IQANK1: variants seen among roughly 807,000 people sequenced by gnomAD.
The protein encoded by IQANK1 is IQ motif and ankyrin repeat containing 1.
A neutral mutation model predicts 22.6 loss-of-function variants in IQANK1; 30 were observed. The observed-to-expected ratio is 1.33, with a 90% CI of 0.99 to 1.80. The LOEUF is 1.80. Among genes scored for constraint, IQANK1 ranks in the 40% most tolerant of loss-of-function variants. The pLI is 0.00. For missense variants in IQANK1, 275 were observed against 235.2 expected, an observed-to-expected ratio of 1.17 and a Z score of -1.11; for synonymous variants, 122 against 99.6, an observed-to-expected ratio of 1.23 and a Z score of -1.34.
chr8:143,771,349 G>C lies in IQANK1; in HGVS notation c.176-139G>C. 2 of 389,192 alleles carry C rather than the reference G, an allele frequency of 5.1e-6. No individual in the cohort carries two copies. Among genetic ancestry groups the C allele is most frequent in the East Asian group, 3.6e-5 (1 of 27,410 alleles). 24.1% of individuals were successfully genotyped at this position (389,192 alleles called of 1,614,324 possible). A position where few individuals can be genotyped will look rare whatever the true frequency, so the allele number is the denominator to read the frequency against. ...CCTCTGCGGGCGGGAACCCCGGCTCGGCCGCGCTGGGGGCTTTGAGAGCCG... is the reference window on the plus strand; with the variant it reads ...CCTCTGCGGGCGGGAACCCCGGCTCCGCCGCGCTGGGGGCTTTGAGAGCCG... On this transcript the variant is annotated intron_variant, in intron 3 of 13. Coordinates refer to ENST00000527139, the MANE Select transcript of IQANK1 (RefSeq NM_001381874.1). The surrounding 1 kb of genome is among the most constrained non-coding windows in gnomAD (Gnocchi z 6.0).
At chr8:143,752,514 A>G (rs1176969486) in intron 3 of IQANK1, among the ~76,000 whole-genome samples, 1 of 152,138 alleles carries the variant, frequency 6.6e-6, no homozygotes, top group Non-Finnish European at 1.5e-5. Flanking sequence ...TCTTTCATCA[A>G]ATTTGGGAAG....
chr8:143,780,718 G>C (rs1229247186), intron 7 of IQANK1, among the ~76,000 whole-genome samples: 1 of 152,038 alleles, frequency 6.6e-6, no homozygotes, highest in Non-Finnish European at 1.5e-5. Context: ...TCTTTATCTT[G>C]TCTGTCACTG....
At chr8:143,756,964 T>C (rs1369633766) in intron 3 of IQANK1, among the ~76,000 whole-genome samples, 1 of 147,658 alleles carries the variant, frequency 6.8e-6, no homozygotes. Flanking sequence ...GGTGACAGAA[T>C]AGGACCCTGT....
chr8:143,786,344 C>G (rs931558374), intron 7 of IQANK1, among the ~76,000 whole-genome samples: 1 of 152,220 alleles, frequency 6.6e-6, no homozygotes, highest in African/African-American at 2.4e-5. Flanking sequence ...TCGGAGGCTA[C>G]TGTCCTTAGG....
At chr8:143,751,664 G>GTGTATATATATATA (rs370428606) in intron 3 of IQANK1, among the ~76,000 whole-genome samples, 2 of 61,550 alleles carry the variant, frequency 3.2e-5, no homozygotes, top group Admixed American at 2.7e-4. Context: ...GTGTGTGTGT[G>GTGTATATATATATA]TATATATATA....
chr8:143,777,151 C>CAT (rs1819702384), intron 7 of IQANK1, among the ~76,000 whole-genome samples: 1 of 151,328 alleles, frequency 6.6e-6, no homozygotes, highest in Non-Finnish European at 1.5e-5. Flanking sequence ...TATACACACA[C>CAT]ATATATATTA....
intron 3 of IQANK1, among the ~76,000 whole-genome samples, chr8:143,770,147 G>T (rs1241047493): frequency 1.3e-5 from 2 of 152,202 alleles, no homozygotes; most frequent in Non-Finnish European, 2.9e-5. Context: ...TGTCATAGGT[G>T]CTTTGCTCTT....
chr8:143,751,672 A>ATATATATATATATATT (rs1355791704), intron 3 of IQANK1, among the ~76,000 whole-genome samples: 2 of 137,732 alleles, frequency 1.5e-5, no homozygotes, highest in Non-Finnish European at 3.1e-5. Context: ...GTGTATATAT[A>ATATATATATATATATT]TATATAAAAT....
At chr8:143,741,592 A>T (rs1177391784) in intron 3 of IQANK1, among the ~76,000 whole-genome samples, 2 of 152,194 alleles carry the variant, frequency 1.3e-5, no homozygotes, top group African/African-American at 4.8e-5. Context: ...CCTTGAGAGC[A>T]GCAGGTGTGA....
rs1377776229 is a variant in IQANK1, at chr8:143,771,784, C to A, written c.307-17C>A. 14 of 396,924 alleles carry A rather than the reference C, an allele frequency of 3.5e-5. No individual in the cohort carries two copies. Among genetic ancestry groups the A allele is most frequent in the Non-Finnish European group, 6.2e-5 (14 of 225,238 alleles). The allele number at this position is 396,924 out of a possible 1,614,324, so 24.6% of individuals were successfully genotyped here. ...GGTGGCGCGGAGTGGGCGGTGACTTCGGCGGGCGCCTCCCAGGCCTACCTG... is the reference window on the plus strand; with the variant it reads ...GGTGGCGCGGAGTGGGCGGTGACTTAGGCGGGCGCCTCCCAGGCCTACCTG... On this transcript the variant is annotated splice_polypyrimidine_tract_variant and intron_variant, in intron 4 of 13. Coordinates refer to ENST00000527139, the MANE Select transcript of IQANK1 (RefSeq NM_001381874.1). The surrounding 1 kb of genome is among the most constrained non-coding windows in gnomAD (Gnocchi z 6.0).
At chr8:143,773,351 G>A (rs1320835076) in intron 7 of IQANK1, among the ~76,000 whole-genome samples, 1 of 151,978 alleles carries the variant, frequency 6.6e-6, no homozygotes, top group East Asian at 1.9e-4. Flanking sequence ...GTCTGCCCTG[G>A]GCCAGGCTGG....
chr8:143,787,083 G>A (rs1554631438), intron 7 of IQANK1, among the ~76,000 whole-genome samples: 4 of 152,194 alleles, frequency 2.6e-5, no homozygotes. Context: ...GCTCCAGAGG[G>A]CAGCCCAGCC....
At chr8:143,776,043 C>G (rs1015083112) in intron 7 of IQANK1, among the ~76,000 whole-genome samples, 1 of 146,584 alleles carries the variant, frequency 6.8e-6, no homozygotes, top group Non-Finnish European at 1.5e-5. Context: ...TCCCAGCGGC[C>G]GGGCGCGGCG....
intron 3 of IQANK1, among the ~76,000 whole-genome samples, chr8:143,770,621 GGAGACCCA>G (rs1225297876): frequency 7.9e-5 from 12 of 152,340 alleles, no homozygotes; most frequent in African/African-American, 2.6e-4. Context: ...GCGCACCTGT[GGAGACCCA>G]GCTGCGCTGC....
chr8:143,779,647 CTTCA>C (rs1819757900), intron 7 of IQANK1, among the ~76,000 whole-genome samples: 1 of 152,126 alleles, frequency 6.6e-6, no homozygotes, highest in Non-Finnish European at 1.5e-5. Context: ...TATTTTCTGT[CTTCA>C]TTCATTTTCC....
At chr8:143,745,359 C>T (rs1320283898) in intron 3 of IQANK1, 6 of 152,210 alleles carry the variant, frequency 3.9e-5, no homozygotes, top group African/African-American at 7.2e-5. Context: ...AATATCAACC[C>T]GGGCTTACAG....
Position 143,734,542 on chromosome 8 carries a change from C to G in IQANK1, c.-5+323C>G, listed in dbSNP as rs1308145357. On this transcript the variant is annotated intron_variant, in intron 1 of 13. Coordinates refer to ENST00000527139, the MANE Select transcript of IQANK1 (RefSeq NM_001381874.1). ...CCTCATGTACACCAACCCCCAAGCA[C>G]AGGAGACTCCTCAGGAAGACAGAAG... Among the ~76,000 whole-genome samples, 3 of 151,814 alleles carry G rather than the reference C, an allele frequency of 2.0e-5. No homozygotes were observed. In the East Asian group the frequency reaches 5.8e-4, roughly 30 times the overall value.
intron 2 of IQANK1, among the ~76,000 whole-genome samples, chr8:143,739,023 G>A (rs373086568): frequency 2.5e-3 from 374 of 152,350 alleles, no homozygotes; most frequent in African/African-American, 7.5e-3. Context: ...GCCCTGCGTG[G>A]CACTTTGTGA....
chr8:143,748,896 TAAA>T (rs1819110070), intron 3 of IQANK1, among the ~76,000 whole-genome samples: 1 of 103,748 alleles, frequency 9.6e-6, no homozygotes, highest in South Asian at 2.8e-4. Flanking sequence ...CATAAATACT[TAAA>T]AATATACATA....
Sources: allele counts gnomAD v4.1 joint callset (sites outside exome capture counted in the v4.1 genomes callset), GRCh38; gene constraint gnomAD v4.1.1; non-coding constraint Gnocchi (gnomAD v3.1); transcripts MANE v1.5; gene names NCBI Gene and HGNC (gene_info 2026-07-23, HGNC 2026-07-21).